Variants in ZSWIM6 observed in about 807,000 individuals in gnomAD.
ZSWIM6 encodes the protein zinc finger SWIM domain-containing protein 6.
A neutral mutation model predicts 113.2 loss-of-function variants in ZSWIM6; 9 were observed. The observed-to-expected ratio is 0.08, with a 90% CI of 0.05 to 0.14. The LOEUF is 0.14. ZSWIM6 is among the 10% of genes least tolerant of loss of function. ZSWIM6 has a pLI of 1.00. For missense variants in ZSWIM6, 1,162 were observed against 1,552.2 expected, an observed-to-expected ratio of 0.75 and a Z score of 4.22; for synonymous variants, 611 against 606.5, an observed-to-expected ratio of 1.01 and a Z score of -0.11.
intron 4 of ZSWIM6, among the ~76,000 whole-genome samples, chr5:61,504,267 A>G (rs1490554954): frequency 3.9e-5 from 6 of 152,200 alleles, no homozygotes. Flanking sequence ...TGCACTCTGA[A>G]ATACAAACAG....
intron 1 of ZSWIM6, among the ~76,000 whole-genome samples, chr5:61,358,623 T>C (rs1229533810): frequency 6.6e-6 from 1 of 152,216 alleles, no homozygotes; most frequent in Non-Finnish European, 1.5e-5. Flanking sequence ...TTTCCAAATA[T>C]TAAGAAAATT....
At position 61,332,422 on chromosome 5, in the gene ZSWIM6, C is replaced by CGCG. The variant is rs779283808; in HGVS notation, c.166_168dup (p.Ala56dup). The CGCG allele has an allele frequency of 1.7e-3, 1,673 of 995,398 alleles. 1 individual carries two copies. Among genetic ancestry groups the CGCG allele is most frequent in the South Asian group, 6.7e-3 (147 of 22,066 alleles). 61.7% of individuals were successfully genotyped at this position (995,398 alleles called of 1,614,324 possible). A position where few individuals can be genotyped will look rare whatever the true frequency, so the allele number is the denominator to read the frequency against. ...GTCGGCCAGGCCCGCGGGCGGGTGGCGCGGCGGCGGCGGCGGCGTGCGGGG... is the reference window on the plus strand; with the variant it reads ...GTCGGCCAGGCCCGCGGGCGGGTGGCGCGGCGGCGGCGGCGGCGGCGTGCGGGG... On this transcript the variant is annotated inframe_insertion, in exon 1 of 14. Coordinates refer to ENST00000252744, the MANE Select transcript of ZSWIM6 (RefSeq NM_020928.2).
intron 4 of ZSWIM6, among the ~76,000 whole-genome samples, chr5:61,496,031 A>T (rs1748305328): frequency 6.6e-6 from 1 of 152,172 alleles, no homozygotes; most frequent in Admixed American, 6.6e-5. Context: ...CAGTGTTCAC[A>T]TTTAATTCAT....
chr5:61,333,498 C>T (rs1744315119), intron 1 of ZSWIM6, among the ~76,000 whole-genome samples: 1 of 151,970 alleles, frequency 6.6e-6, no homozygotes, highest in Non-Finnish European at 1.5e-5. Context: ...TAAAGCCGCT[C>T]GGCCGCCGCT....
At chr5:61,374,214 G>A (rs1341959183) in intron 1 of ZSWIM6, among the ~76,000 whole-genome samples, 1 of 152,102 alleles carries the variant, frequency 6.6e-6, no homozygotes, top group Non-Finnish European at 1.5e-5. Context: ...AGATTTTTCC[G>A]GATCATCTGT....
intron 1 of ZSWIM6, among the ~76,000 whole-genome samples, chr5:61,402,693 C>T (rs1745962220): frequency 6.6e-6 from 1 of 152,170 alleles, no homozygotes; most frequent in South Asian, 2.1e-4. Context: ...TAAGGTTTTG[C>T]ACCTTAAAGG....
At chr5:61,370,341 T>C (rs937643435) in intron 1 of ZSWIM6, among the ~76,000 whole-genome samples, 1 of 152,248 alleles carries the variant, frequency 6.6e-6, no homozygotes, top group Non-Finnish European at 1.5e-5. Flanking sequence ...AAAGTCATTC[T>C]ATACCATTGT....
chr5:61,428,057 G>A (rs1223042096), intron 1 of ZSWIM6, among the ~76,000 whole-genome samples: 1 of 152,014 alleles, frequency 6.6e-6, no homozygotes, highest in Non-Finnish European at 1.5e-5. Flanking sequence ...TCTTGGACAG[G>A]TTAGGTATAT....
intron 1 of ZSWIM6, among the ~76,000 whole-genome samples, chr5:61,462,444 T>C (rs1747339120): frequency 6.6e-6 from 1 of 152,216 alleles, no homozygotes; most frequent in Non-Finnish European, 1.5e-5. Flanking sequence ...TTCCTTCAAA[T>C]TACATTTTTA....
At chr5:61,357,218 G>C (rs1249454207) in intron 1 of ZSWIM6, among the ~76,000 whole-genome samples, 1 of 152,128 alleles carries the variant, frequency 6.6e-6, no homozygotes, top group Non-Finnish European at 1.5e-5. Context: ...CTACCCTTAA[G>C]TTTTTGAAAC....
At chr5:61,398,967 G>T (rs1264518999) in intron 1 of ZSWIM6, among the ~76,000 whole-genome samples, 1 of 142,132 alleles carries the variant, frequency 7.0e-6, no homozygotes, top group Non-Finnish European at 1.5e-5. Flanking sequence ...CTGTCACCCA[G>T]GCTGGAGTGC....
chr5:61,381,540 T>G (rs1002540369), intron 1 of ZSWIM6, among the ~76,000 whole-genome samples: 3 of 152,228 alleles, frequency 2.0e-5, no homozygotes, highest in Non-Finnish European at 2.9e-5. Flanking sequence ...GTGTCATGGC[T>G]TCATATTAAA....
At chr5:61,478,504 GT>G (rs1008218562) in intron 2 of ZSWIM6, among the ~76,000 whole-genome samples, 2 of 151,998 alleles carry the variant, frequency 1.3e-5, no homozygotes, top group Non-Finnish European at 2.9e-5. Flanking sequence ...ATGGTCTTCA[GT>G]TTTTTTCTCT....
intron 4 of ZSWIM6, among the ~76,000 whole-genome samples, chr5:61,498,080 A>G (rs1186853609): frequency 1.3e-5 from 2 of 152,150 alleles, no homozygotes; most frequent in African/African-American, 4.8e-5. Flanking sequence ...CCTAGACTGC[A>G]ATTTTACTTT....
At chr5:61,469,096 G>A (rs1294656656) in intron 1 of ZSWIM6, among the ~76,000 whole-genome samples, 3 of 152,092 alleles carry the variant, frequency 2.0e-5, no homozygotes, top group African/African-American at 7.2e-5. Flanking sequence ...CATTAACTGA[G>A]GAAAAGAAGT....
intron 4 of ZSWIM6, among the ~76,000 whole-genome samples, chr5:61,505,673 TCTTTCCTTGCCTCCCTCCCTC>T (rs1748590820): frequency 3.1e-5 from 3 of 95,846 alleles, no homozygotes; most frequent in East Asian, 2.3e-4. Context: ...CTTCCTTCCT[TCTTTCCTTGCCTCCCTCCCTC>T]CCTTCCTTCC....
intron 1 of ZSWIM6, among the ~76,000 whole-genome samples, chr5:61,414,647 A>G (rs1388508599): frequency 6.6e-6 from 1 of 152,206 alleles, no homozygotes; most frequent in Non-Finnish European, 1.5e-5. Context: ...TGGAAGGGGA[A>G]GTATTTTGAA....
chr5:61,528,791 T>C (rs1749353749), intron 7 of ZSWIM6, among the ~76,000 whole-genome samples: 1 of 152,136 alleles, frequency 6.6e-6, no homozygotes, highest in South Asian at 2.1e-4. Flanking sequence ...TTTCACCATG[T>C]TGGCCAGGCT....
At chr5:61,475,085 A>G (rs1313794669) in intron 2 of ZSWIM6, among the ~76,000 whole-genome samples, 1 of 152,200 alleles carries the variant, frequency 6.6e-6, no homozygotes, top group Non-Finnish European at 1.5e-5. Context: ...CCGTGTGAAA[A>G]TTCGGGCAGC....
Sources: allele counts gnomAD v4.1 joint callset (sites outside exome capture counted in the v4.1 genomes callset), GRCh38; gene constraint gnomAD v4.1.1; transcripts MANE v1.5; gene names NCBI Gene and HGNC (gene_info 2026-07-23, HGNC 2026-07-21).